MED15: variants seen among roughly 807,000 people sequenced by gnomAD.
MED15 encodes mediator of RNA polymerase II transcription subunit 15.
In MED15, 41 loss-of-function variants were observed where a neutral mutation model predicts 118.7. That is an observed-to-expected ratio of 0.35 (90% CI 0.27 to 0.45). The LOEUF is 0.45. Ranked by LOEUF, MED15 falls within the 20% of genes least tolerant of loss-of-function variation. The pLI is 1.00. For missense variants in MED15, 740 were observed against 1,025.5 expected (o/e 0.72, Z 3.80); for synonymous variants, 436 against 413.9 (o/e 1.05, Z -0.65).
chr22:20,558,838 GT>G (rs1242254070), intron 5 of MED15, among the ~76,000 whole-genome samples: 3 of 152,172 alleles, frequency 2.0e-5, no homozygotes, highest in African/African-American at 4.8e-5. Flanking sequence ...ACCTGTGACA[GT>G]TGCACATTAA....
At position 20,511,988 on chromosome 22, in the gene MED15, C is replaced by CTTTTTTTT. The variant is rs746240328; in HGVS notation, c.68+4252_68+4259dup. Among the ~76,000 whole-genome samples the CTTTTTTTT allele has an allele frequency of 7.3e-3, 670 of 92,146 alleles. 72 individuals are homozygous for CTTTTTTTT. Among genetic ancestry groups the CTTTTTTTT allele is most frequent in the African/African-American group, 0.027 (505 of 18,532 alleles). 60.5% of individuals were successfully genotyped at this position (92,146 alleles called of 152,430 possible). ...CTTTCAGCTTCTTGAACATTCTAAG[C>CTTTTTTTT]TTTTTTTTTTTTTTTTTGGAGACAA... On this transcript the variant is annotated intron_variant, in intron 1 of 17. Transcript: ENST00000263205.
Position 20,507,614 on chromosome 22 carries a change from CTG to C in MED15, c.-62_-61del. 2 of 1,604,574 alleles carry C rather than the reference CTG, an allele frequency of 1.2e-6. No homozygotes were observed. Among genetic ancestry groups the C allele is most frequent in the Non-Finnish European group, 1.7e-6 (2 of 1,171,716 alleles). Reference sequence around the variant, plus strand: ...ACGGCTTCCGGGTTTGGGCCTGGCTCTGTGACTGAGGCGGCGGCGGTGGCGGC... The same window carrying C: ...ACGGCTTCCGGGTTTGGGCCTGGCTCTGACTGAGGCGGCGGCGGTGGCGGC... On this transcript the variant is annotated 5_prime_UTR_variant, in exon 1 of 18. Transcript: ENST00000263205.
intron 1 of MED15, among the ~76,000 whole-genome samples, chr22:20,535,382 C>T (rs979048328): frequency 1.3e-5 from 2 of 152,168 alleles, no homozygotes; most frequent in Non-Finnish European, 1.5e-5. Flanking sequence ...TTAAGAATCA[C>T]AGTCATATTG....
chr22:20,558,989 T>C (rs1286701844), intron 5 of MED15, among the ~76,000 whole-genome samples: 1 of 152,002 alleles, frequency 6.6e-6, no homozygotes, highest in Non-Finnish European at 1.5e-5. Context: ...CCATGGGGTA[T>C]ATAAAGAAAT....
At chr22:20,539,130 G>A (rs892642703) in intron 2 of MED15, among the ~76,000 whole-genome samples, 6 of 150,954 alleles carry the variant, frequency 4.0e-5, no homozygotes, top group African/African-American at 7.3e-5. Context: ...ATGGAGTCTC[G>A]CTCTGTCACC....
Position 20,537,930 on chromosome 22 carries a change from C to A in MED15, c.156+726C>A, listed in dbSNP as rs73879398. Among the ~76,000 whole-genome samples the A allele has an allele frequency of 6.7e-3, 1,011 of 151,930 alleles. 12 individuals carry two copies. Among genetic ancestry groups the A allele is most frequent in the African/African-American group, 0.023 (936 of 41,432 alleles). ...TGACTGAAGTGGGATAGAGTGGGCTCTGTATTATGGATACGTGTCACTGAG... is the reference window on the plus strand; with the variant it reads ...TGACTGAAGTGGGATAGAGTGGGCTATGTATTATGGATACGTGTCACTGAG... On this transcript the variant is annotated intron_variant, in intron 2 of 17. Coordinates refer to ENST00000263205, the MANE Select transcript of MED15 (RefSeq NM_001003891.3).
intron 1 of MED15, 62 bp from the exon 2 acceptor site, chr22:20,537,055 A>C: frequency 3.6e-5 from 52 of 1,429,002 alleles, no homozygotes; most frequent in Non-Finnish European, 4.4e-5. Flanking sequence ...CCTGTTGGCC[A>C]GGGCCCTGCA....
intron 4 of MED15, among the ~76,000 whole-genome samples, chr22:20,553,973 A>G (rs1023283739): frequency 1.1e-4 from 17 of 152,192 alleles, no homozygotes; most frequent in African/African-American, 4.1e-4. Flanking sequence ...GCTGCAAGGG[A>G]AGGGGTTTAA....
chr22:20,528,853 G>GT, intron 1 of MED15, among the ~76,000 whole-genome samples: 1 of 152,314 alleles, frequency 6.6e-6, no homozygotes, highest in South Asian at 2.1e-4. Context: ...GTGACTATCC[G>GT]TTTCATGCTT....
Position 20,575,175 on chromosome 22 carries a change from C to A in MED15, c.1215C>A (p.Thr405=), listed in dbSNP as rs369846599. The part of the protein sequence containing the change: ...MHIRARFPPT[T]AVSAIPSSSI... ...TAAGAGCCCGGTTCCCGCCTACCAC[C>A]GCTGTGTCCGCCATCCCGTCAAGCT... Residue 405 remains threonine, a synonymous_variant, in exon 9 of 18, where the codon ACC becomes ACA. Transcript: ENST00000263205. The A allele has an allele frequency of 1.2e-6, 2 of 1,614,184 alleles. No homozygotes were observed. Among genetic ancestry groups the A allele is most frequent in the Admixed American group, 3.3e-5 (2 of 60,034 alleles).
chr22:20,545,096 T>A (rs1208058196), intron 2 of MED15, among the ~76,000 whole-genome samples: 1 of 152,206 alleles, frequency 6.6e-6, no homozygotes. Context: ...ATTTAAGGAC[T>A]GTTATTTAGC....
chr22:20,530,588 G>A (rs1445111588), intron 1 of MED15, among the ~76,000 whole-genome samples: 1 of 152,048 alleles, frequency 6.6e-6, no homozygotes, highest in Non-Finnish European at 1.5e-5. Flanking sequence ...AGGGGGAGCA[G>A]TGGTAAAGAG....
chr22:20,580,991 T>C (rs1327388920), intron 9 of MED15, among the ~76,000 whole-genome samples: 2 of 152,246 alleles, frequency 1.3e-5, no homozygotes, highest in African/African-American at 2.4e-5. Context: ...CAGAGGTGTC[T>C]TGACCACAAA....
chr22:20,566,763 A>G lies in MED15; in HGVS notation c.987A>G (p.Ser329=). ...PPQSQTQPLV[S]QAQALPGQML... ...AGTCGCAGACCCAGCCTTTGGTGTC[A>G]CAGGCGCAAGCTCTCCCTGGACAAA... Residue 329 remains serine (S), a synonymous_variant, in exon 7 of 18, where the codon TCA becomes TCG. Transcript: ENST00000263205. 6.2e-7 allele frequency: 1 copy of G among 1,614,242 alleles called. No homozygotes were observed. Among genetic ancestry groups the G allele is most frequent in the African/African-American group, 1.3e-5 (1 of 75,062 alleles).
intron 1 of MED15, among the ~76,000 whole-genome samples, chr22:20,535,189 C>T (rs2055018712): frequency 6.6e-6 from 1 of 152,174 alleles, no homozygotes; most frequent in South Asian, 2.1e-4. Flanking sequence ...AACTCCTGAC[C>T]TCAGGTGATC....
chr22:20,516,853 A>G (rs137875861), intron 1 of MED15, among the ~76,000 whole-genome samples: 73 of 152,286 alleles, frequency 4.8e-4, no homozygotes, highest in African/African-American at 1.7e-3. Context: ...CAAATAGAAG[A>G]AAGACCCCTA....
rs397867953 is a variant in MED15 at position 20,517,103 on chromosome 22, AT to A, written c.68+9371del. Among the ~76,000 whole-genome samples, 422 of 141,040 alleles carry A rather than the reference AT, an allele frequency of 3.0e-3. 2 individuals are homozygous for A. Among genetic ancestry groups the A allele is most frequent in the East Asian group, 0.012 (60 of 4,944 alleles). 92.5% of individuals were successfully genotyped at this position (141,040 alleles called of 152,430 possible). A position where few individuals can be genotyped will look rare whatever the true frequency, so the allele number is the denominator to read the frequency against. ...CGCCACCATGCTGGCTAATTTTCTT[AT>A]TTTTTTTTTTTTTGGTAGAGACCAG... On this transcript the variant is annotated intron_variant, in intron 1 of 17. Transcript: ENST00000263205.
At position 20,568,620 on chromosome 22, in the gene MED15, C is replaced by T. The variant is rs776925574; in HGVS notation, c.1141C>T (p.Pro381Ser). The change falls in exon 8 of 18, where the codon CCC (proline) becomes TCC (serine). Residue 381 changes from proline to serine, a missense_variant. Pro to Ser is a moderately conservative substitution (Grantham distance 74, BLOSUM62 -1). Transcript: ENST00000263205. The part of the protein sequence containing the change: ...QTAQAAQMVA[P>S]GVQMITEALA... ...AGCTCAGGCTGCCCAGATGGTGGCT[C>T]CCGGAGTCCAGGTGAGGGCCTGGGG... The T allele has an allele frequency of 2.5e-6, 4 of 1,613,342 alleles. No individual in the cohort carries two copies. The highest frequency in any genetic ancestry group is 3.4e-6 in the Non-Finnish European group (4 of 1,179,898).
At chr22:20,553,231 A>G (rs1442016919) in intron 4 of MED15, 57 bp downstream of exon 4, 5 of 1,526,090 alleles carry the variant, frequency 3.3e-6, no homozygotes, top group African/African-American at 1.4e-5. Flanking sequence ...TGAGGTGGCA[A>G]GAATGACATA....
Sources: allele counts gnomAD v4.1 joint callset (sites outside exome capture counted in the v4.1 genomes callset), GRCh38; gene constraint gnomAD v4.1.1; transcripts MANE v1.5; gene names NCBI Gene and HGNC (gene_info 2026-07-23, HGNC 2026-07-21).